NUDCD1: variants seen among roughly 807,000 people sequenced by gnomAD.
NUDCD1 encodes the protein NudC domain containing 1, also known as nudC domain-containing protein 1.
NUDCD1 carries 60 observed loss-of-function variants against 67.8 expected under a neutral mutation model. That is an observed-to-expected ratio of 0.88 (90% CI 0.72 to 1.10). The LOEUF (loss-of-function observed/expected upper bound fraction) is 1.10, where lower values mean the gene tolerates loss of function less well. Ranked by LOEUF, NUDCD1 falls within the 50% of genes least tolerant of loss-of-function variation. NUDCD1 has a pLI of 0.00. For synonymous variants in NUDCD1, 244 were observed against 230.8 expected, an observed-to-expected ratio of 1.06 and a Z score of -0.52; for missense variants, 643 against 695.0, an observed-to-expected ratio of 0.93 and a Z score of 0.84.
chr8:109,248,305 T>C (rs1394383306), intron 8 of NUDCD1, among the ~76,000 whole-genome samples: 3 of 152,206 alleles, frequency 2.0e-5, no homozygotes, highest in African/African-American at 7.2e-5. Flanking sequence ...TAAGTCTGTG[T>C]TGTTTTCAAC....
chr8:109,281,213 G>A, intron 5 of NUDCD1, 41 bp from the exon 6 acceptor site: 2 of 1,340,772 alleles, frequency 1.5e-6, no homozygotes, highest in South Asian at 1.2e-5. Flanking sequence ...TAAAAAATTA[G>A]AGAAAGCATA....
chr8:109,301,646 C>A (rs1028778805), intron 2 of NUDCD1, among the ~76,000 whole-genome samples: 1 of 152,196 alleles, frequency 6.6e-6, no homozygotes, highest in Non-Finnish European at 1.5e-5. Context: ...ATGGGGTAAG[C>A]GGCCTTTCTA....
At chr8:109,324,004 G>C (rs1200003438) in intron 1 of NUDCD1, among the ~76,000 whole-genome samples, 1 of 151,908 alleles carries the variant, frequency 6.6e-6, no homozygotes, top group Non-Finnish European at 1.5e-5. Context: ...AAGATTTTAT[G>C]GTTAAGACCT....
At chr8:109,313,986 G>A (rs140633196) in intron 2 of NUDCD1, 113 of 355,926 alleles carry the variant, frequency 3.2e-4, no homozygotes, top group African/African-American at 2.3e-3. Context: ...CAAACTAAAT[G>A]TTTCTGATTG....
chr8:109,296,669 G>T, intron 2 of NUDCD1, 100 bp from the exon 3 acceptor site: 1 of 808,464 alleles, frequency 1.2e-6, no homozygotes. Context: ...CTTTTTAAGA[G>T]TTGGAGTCTA....
At chr8:109,330,025 C>T (rs931614987) in intron 1 of NUDCD1, 36 of 714,640 alleles carry the variant, frequency 5.0e-5, no homozygotes, top group Non-Finnish European at 1.2e-5. Flanking sequence ...TGTAAGCCAA[C>T]ATGAAAGAAT....
In NUDCD1 at chr8:109,334,011, C is replaced by G. The variant is rs1815886216; in HGVS notation, c.-1G>C. Reference sequence around the variant, plus strand: ...GGGAGCAATTAGCCGCCACCTCCATCGCTTTCCAGGGCCGCAGCGTGAGAA... The same window carrying G: ...GGGAGCAATTAGCCGCCACCTCCATGGCTTTCCAGGGCCGCAGCGTGAGAA... On this transcript the variant is annotated 5_prime_UTR_variant, in exon 1 of 10. Transcript: ENST00000239690. 8 of 1,614,070 alleles carry G rather than the reference C, an allele frequency of 5.0e-6. No individual in the cohort carries two copies. Among genetic ancestry groups the G allele is most frequent in the Non-Finnish European group, 6.8e-6 (8 of 1,180,032 alleles).
intron 5 of NUDCD1, among the ~76,000 whole-genome samples, chr8:109,287,531 T>C (rs2926273): frequency 0.36 from 54,701 of 151,902 alleles, 10,678 homozygotes; most frequent in South Asian, 0.5. Flanking sequence ...TGCAGATTAG[T>C]GCAGGAACAG....
At chr8:109,332,109 C>T (rs1251653304) in intron 1 of NUDCD1, among the ~76,000 whole-genome samples, 1 of 151,970 alleles carries the variant, frequency 6.6e-6, no homozygotes, top group African/African-American at 2.4e-5. Flanking sequence ...GGGTAGTGAA[C>T]AAAAGAAAAA....
At chr8:109,273,541 G>C (rs770644534) in intron 7 of NUDCD1, among the ~76,000 whole-genome samples, 2 of 151,602 alleles carry the variant, frequency 1.3e-5, no homozygotes, top group African/African-American at 2.4e-5. Context: ...GTAAACAAAA[G>C]GAAGAACATA....
rs1053316794 is a variant in NUDCD1 at position 109,242,115 on chromosome 8, C to T, written c.*894G>A. The T allele has an allele frequency of 5.0e-6, 2 of 398,012 alleles. No homozygotes were observed. Among genetic ancestry groups the T allele is most frequent in the African/African-American group, 4.1e-5 (2 of 48,592 alleles). 24.7% of individuals were successfully genotyped at this position (398,012 alleles called of 1,614,324 possible). On this transcript the variant is annotated 3_prime_UTR_variant, in exon 10 of 10. Transcript: ENST00000239690. Reference sequence around the variant, plus strand: ...AATGGCCCCCAATGAGTCATACCATCCGCTGTCAGCTTGTGTAGTCCCCTC... The same window carrying T: ...AATGGCCCCCAATGAGTCATACCATTCGCTGTCAGCTTGTGTAGTCCCCTC...
intron 7 of NUDCD1, 106 bp from the exon 8 acceptor site, chr8:109,271,236 T>C (rs1339096013): frequency 1.6e-5 from 11 of 677,924 alleles, no homozygotes; most frequent in Non-Finnish European, 2.2e-5. Flanking sequence ...TAAAAATGAA[T>C]TGCAAACCTA....
chr8:109,321,292 CAT>C (rs1260153798), intron 2 of NUDCD1, among the ~76,000 whole-genome samples: 3 of 152,026 alleles, frequency 2.0e-5, no homozygotes, highest in Admixed American at 2.0e-4. Context: ...AGGTGAAAAA[CAT>C]ATGATAAAAT....
At chr8:109,279,141 T>C (rs1470286116) in intron 6 of NUDCD1, among the ~76,000 whole-genome samples, 3 of 151,888 alleles carry the variant, frequency 2.0e-5, no homozygotes, top group South Asian at 2.1e-4. Flanking sequence ...CATCAAGGAG[T>C]AGAATTGTTA....
chr8:109,271,441 A>T (rs1182656338), intron 7 of NUDCD1, among the ~76,000 whole-genome samples: 2 of 152,212 alleles, frequency 1.3e-5, no homozygotes, highest in African/African-American at 4.8e-5. Flanking sequence ...TGAAATGAAA[A>T]ACAAAACAGA....
chr8:109,320,605 A>G (rs1472581579), intron 2 of NUDCD1, among the ~76,000 whole-genome samples: 1 of 152,218 alleles, frequency 6.6e-6, no homozygotes, highest in African/African-American at 2.4e-5. Context: ...GGCGATAGAC[A>G]TCCTCCTCAG....
At chr8:109,329,645 G>T (rs1038756774) in intron 1 of NUDCD1, among the ~76,000 whole-genome samples, 1 of 152,192 alleles carries the variant, frequency 6.6e-6, no homozygotes, top group Non-Finnish European at 1.5e-5. Flanking sequence ...GAAACTTTGG[G>T]AATGATAGCT....
At chr8:109,264,330 AAACTT>A (rs1206383287) in intron 8 of NUDCD1, among the ~76,000 whole-genome samples, 4 of 152,224 alleles carry the variant, frequency 2.6e-5, no homozygotes, top group Non-Finnish European at 5.9e-5. Context: ...CTTTTGAACA[AAACTT>A]AGAATTTTGA....
intron 1 of NUDCD1, among the ~76,000 whole-genome samples, chr8:109,329,542 C>T (rs918171861): frequency 6.6e-6 from 1 of 152,002 alleles, no homozygotes; most frequent in African/African-American, 2.4e-5. Context: ...ACAATATAAG[C>T]AAGACTGAGG....
Sources: allele counts gnomAD v4.1 joint callset (sites outside exome capture counted in the v4.1 genomes callset), GRCh38; gene constraint gnomAD v4.1.1; transcripts MANE v1.5; gene names NCBI Gene and HGNC (gene_info 2026-07-23, HGNC 2026-07-21).